Variants in PREX1 observed in about 807,000 individuals in gnomAD.
PREX1 encodes the protein phosphatidylinositol-3,4,5-trisphosphate dependent Rac exchange factor 1.
A neutral mutation model predicts 198.3 loss-of-function variants in PREX1; 41 were observed. The observed-to-expected ratio is 0.21, with a 90% CI of 0.16 to 0.27. PREX1 has a LOEUF of 0.27. PREX1 is among the 10% of genes least tolerant of loss of function. The probability of loss-of-function intolerance (pLI) is 1.00; values close to 1 mark genes in which losing one functional copy is unlikely to be tolerated. For missense variants in PREX1, 1,620 were observed against 2,200.7 expected, an observed-to-expected ratio of 0.74 and a Z score of 5.28; for synonymous variants, 843 against 887.2, an observed-to-expected ratio of 0.95 and a Z score of 0.89.
intron 5 of PREX1, among the ~76,000 whole-genome samples, chr20:48,723,089 C>T (rs1807241962): frequency 6.6e-6 from 1 of 152,202 alleles, no homozygotes; most frequent in South Asian, 2.1e-4. Context: ...TAGAATGTTC[C>T]AGCTATTCTT....
intron 39 of PREX1, among the ~76,000 whole-genome samples, 197 bp downstream of exon 39, chr20:48,627,351 T>C (rs1466878328): frequency 6.6e-6 from 1 of 151,696 alleles, no homozygotes; most frequent in African/African-American, 2.4e-5. Context: ...ACCTGGGGGC[T>C]CATCTTCCCG....
the PREX1 span, among the ~76,000 whole-genome samples, chr20:48,883,418 G>A: frequency 6.6e-6 from 1 of 152,122 alleles, no homozygotes; most frequent in East Asian, 1.9e-4. Flanking sequence ...TACATAAGGG[G>A]GAAAAGGCAT....
chr20:48,791,223 C>G (rs1405353982), intron 1 of PREX1, among the ~76,000 whole-genome samples: 1 of 152,164 alleles, frequency 6.6e-6, no homozygotes. Flanking sequence ...AGAAATAAAT[C>G]GTTACCTTCG....
chr20:48,676,877 G>A (rs2089713185), intron 13 of PREX1, among the ~76,000 whole-genome samples: 1 of 152,294 alleles, frequency 6.6e-6, no homozygotes, highest in East Asian at 1.9e-4. Flanking sequence ...GGCTGGTGTG[G>A]TCTATCAGGG....
At chr20:48,723,286 G>C (rs987050915) in intron 5 of PREX1, among the ~76,000 whole-genome samples, 3 of 152,236 alleles carry the variant, frequency 2.0e-5, no homozygotes, top group Admixed American at 6.5e-5. Context: ...GAAGCCAGAG[G>C]GGGTGGGCTG....
chr20:48,750,680 T>G (rs1219258749), intron 1 of PREX1, among the ~76,000 whole-genome samples: 1 of 152,190 alleles, frequency 6.6e-6, no homozygotes, highest in African/African-American at 2.4e-5. Flanking sequence ...CAAGAGGCCC[T>G]CCTCTTCTTA....
chr20:48,872,776 A>T, the PREX1 span, among the ~76,000 whole-genome samples: 3 of 151,790 alleles, frequency 2.0e-5, no homozygotes, highest in Admixed American at 6.6e-5. Flanking sequence ...AATAAATAAC[A>T]AAATAAGCAA....
rs368249617 is a variant in PREX1 at position 48,791,615 on chromosome 20, T to C, written c.219+36027A>G. Among the ~76,000 whole-genome samples, 231 of 152,208 alleles carry C rather than the reference T, an allele frequency of 1.5e-3. 2 individuals are homozygous for C. The highest frequency in any genetic ancestry group is 0.014 in the Middle Eastern group (4 of 294). On this transcript the variant is annotated intron_variant, in intron 1 of 39. Transcript: ENST00000371941. ...AGTGATGGGTCAGGTTTCAACACAA[T>C]TGAAACGGACAAGAGCCAGAACTCC...
Position 48,657,079 on chromosome 20 carries a change from C to T in PREX1, c.2084G>A (p.Arg695His), listed in dbSNP as rs2089550964. ...GGCCACCAGGAGGCGCAGAGGGCGGCGGGAGCAGAAGGACTGGTTGAGGAT... is the reference window on the plus strand; with the variant it reads ...GGCCACCAGGAGGCGCAGAGGGCGGTGGGAGCAGAAGGACTGGTTGAGGAT... ...ESILNQSFCS[R>H]RPLRLLVATK... Residue 695 changes from arginine to histidine, a missense_variant, in exon 18 of 40, where the codon CGC (arginine) becomes CAC (histidine). Arg to His is a conservative substitution (Grantham distance 29). This residue lies in a region of PREX1 where 514 missense variants were observed against 611.6 expected (regional missense o/e 0.84). Coordinates refer to ENST00000371941, the MANE Select transcript of PREX1 (RefSeq NM_020820.4). 1 of 1,606,630 alleles carries T rather than the reference C, an allele frequency of 6.2e-7. No individual in the cohort carries two copies. Among genetic ancestry groups the T allele is most frequent in the South Asian group, 1.1e-5 (1 of 89,808 alleles).
the PREX1 span, among the ~76,000 whole-genome samples, chr20:48,847,375 A>AAAAAAAAAAAAAT: frequency 6.6e-6 from 1 of 151,134 alleles, no homozygotes; most frequent in Non-Finnish European, 1.5e-5. Flanking sequence ...AAAAAAAAAA[A>AAAAAAAAAAAAAT]AAAAAAAAAC....
At chr20:48,659,708 C>G (rs537832226) in intron 16 of PREX1, among the ~76,000 whole-genome samples, 1 of 152,284 alleles carries the variant, frequency 6.6e-6, no homozygotes, top group African/African-American at 2.4e-5. Flanking sequence ...AAAGGGAGAC[C>G]TGCAAGCCCA....
At chr20:48,729,051 C>A (rs564747162) in intron 4 of PREX1, among the ~76,000 whole-genome samples, 6 of 152,020 alleles carry the variant, frequency 3.9e-5, no homozygotes, top group Non-Finnish European at 8.8e-5. Context: ...ATGCTGCCCC[C>A]CTGGCTGATC....
At chr20:48,682,907 G>T (rs1212191670) in intron 10 of PREX1, among the ~76,000 whole-genome samples, 1 of 152,246 alleles carries the variant, frequency 6.6e-6, no homozygotes, top group Non-Finnish European at 1.5e-5. Flanking sequence ...CAGGGCCAGA[G>T]GGGGGCAGGG....
chr20:48,660,152 G>A lies in PREX1; in HGVS notation c.1739-91C>T, dbSNP rs547117560. 1.3e-3 allele frequency: 2,010 copies of A among 1,510,124 alleles called. 4 individuals carry two copies. The highest frequency in any genetic ancestry group is 1.5e-3 in the Non-Finnish European group (1,686 of 1,097,230). The allele number at this position is 1,510,124 out of a possible 1,614,324, so 93.5% of individuals were successfully genotyped here. On this transcript the variant is annotated intron_variant, in intron 15 of 39. Coordinates refer to ENST00000371941, the MANE Select transcript of PREX1 (RefSeq NM_020820.4). ...ACTGGCAGGCACAGGCTGGAACTAG[G>A]CCATGGACACGTTTGGTTTGGCAAA... is the stretch of plus-strand genomic sequence containing the variant.
intron 3 of PREX1, among the ~76,000 whole-genome samples, chr20:48,741,280 T>C (rs2090080509): frequency 6.6e-6 from 1 of 152,240 alleles, no homozygotes; most frequent in African/African-American, 2.4e-5. Context: ...GACCTTGAGC[T>C]TAACCTTTCT....
At chr20:48,871,730 C>T in the PREX1 span, among the ~76,000 whole-genome samples, 1 of 115,470 alleles carries the variant, frequency 8.7e-6, no homozygotes, top group Non-Finnish European at 1.8e-5. Flanking sequence ...GTTTTCTTAA[C>T]TATAATATGG....
At chr20:48,638,124 C>G (rs1206492698) in intron 30 of PREX1, among the ~76,000 whole-genome samples, 1 of 152,180 alleles carries the variant, frequency 6.6e-6, no homozygotes, top group Non-Finnish European at 1.5e-5. Context: ...CACACATCAA[C>G]AGACACCCAA....
chr20:48,661,822 C>G (rs796608156), intron 15 of PREX1, among the ~76,000 whole-genome samples: 28 of 152,070 alleles, frequency 1.8e-4, no homozygotes, highest in African/African-American at 6.0e-4. Flanking sequence ...GGGCCCTCAT[C>G]GAGCCTCCTT....
intron 4 of PREX1, 105 bp downstream of exon 4, chr20:48,734,441 G>C (rs2090048083): frequency 2.0e-6 from 2 of 975,864 alleles, no homozygotes; most frequent in South Asian, 1.4e-5. Context: ...CCCCAGCCAA[G>C]GAAAGGATTT....
Sources: allele counts gnomAD v4.1 joint callset (sites outside exome capture counted in the v4.1 genomes callset), GRCh38; gene constraint gnomAD v4.1.1; regional missense constraint gnomAD v4.1.1; transcripts MANE v1.5; gene names NCBI Gene and HGNC (gene_info 2026-07-23, HGNC 2026-07-21).